Variants in UST observed in about 807,000 individuals in gnomAD.
The protein encoded by UST is chondroitin sulfate 2-O-sulfotransferase.
UST carries 21 observed loss-of-function variants against 45.6 expected under a neutral mutation model. That is an observed-to-expected ratio of 0.46 (90% CI 0.33 to 0.66). The LOEUF (loss-of-function observed/expected upper bound fraction) is 0.66. UST is among the 30% of genes least tolerant of loss of function. The probability of loss-of-function intolerance (pLI) is 0.02; values close to 1 mark genes in which losing one functional copy is unlikely to be tolerated. For synonymous variants in UST, 215 were observed against 200.6 expected, an observed-to-expected ratio of 1.07 and a Z score of -0.61; for missense variants, 463 against 512.4, an observed-to-expected ratio of 0.90 and a Z score of 0.93.
At chr6:149,068,882 T>C (rs1422077950) in intron 7 of UST, among the ~76,000 whole-genome samples, 1 of 152,206 alleles carries the variant, frequency 6.6e-6, no homozygotes, top group Non-Finnish European at 1.5e-5. Flanking sequence ...CCAACCTCTC[T>C]TCAGCCCGCT....
Position 149,074,150 on chromosome 6 carries a change from T to C in UST, c.*34T>C. On this transcript the variant is annotated 3_prime_UTR_variant, in exon 8 of 8. Coordinates refer to ENST00000367463, the MANE Select transcript of UST (RefSeq NM_005715.3). ...TGTTGCCTCTATGGCTTTATCTCCC[T>C]TTTCCAGAAAGTTCTTTGTTTGGGG... 1.9e-6 allele frequency: 3 copies of C among 1,595,510 alleles called. No individual in the cohort carries two copies. Among genetic ancestry groups the C allele is most frequent in the Non-Finnish European group, 2.6e-6 (3 of 1,168,232 alleles).
At chr6:148,772,526 G>A (rs984314556) in intron 1 of UST, among the ~76,000 whole-genome samples, 2 of 151,794 alleles carry the variant, frequency 1.3e-5, no homozygotes, top group Non-Finnish European at 2.9e-5. Context: ...GGGTTCAAGC[G>A]ATTCTCATGC....
At chr6:148,839,131 T>G (rs776614053) in intron 1 of UST, among the ~76,000 whole-genome samples, 1 of 151,632 alleles carries the variant, frequency 6.6e-6, no homozygotes, top group Non-Finnish European at 1.5e-5. Flanking sequence ...TGGGAGGCCA[T>G]TGTTTTGGAT....
At chr6:148,911,939 G>A (rs1235835154) in intron 2 of UST, among the ~76,000 whole-genome samples, 1 of 152,228 alleles carries the variant, frequency 6.6e-6, no homozygotes, top group African/African-American at 2.4e-5. Flanking sequence ...GCTCACGCCT[G>A]TAATCCCAGC....
chr6:148,860,062 T>A (rs931383411), intron 1 of UST, among the ~76,000 whole-genome samples: 2 of 152,246 alleles, frequency 1.3e-5, no homozygotes, highest in African/African-American at 4.8e-5. Flanking sequence ...GGGGATGGCA[T>A]TGAATCTACA....
chr6:148,840,948 A>G (rs954616105), intron 1 of UST, among the ~76,000 whole-genome samples: 1 of 151,766 alleles, frequency 6.6e-6, no homozygotes, highest in East Asian at 1.9e-4. Flanking sequence ...TGTCCTTACC[A>G]TGCTGTAGCC....
chr6:149,061,825 T>C (rs1776659284), intron 7 of UST, among the ~76,000 whole-genome samples: 1 of 152,230 alleles, frequency 6.6e-6, no homozygotes. Flanking sequence ...AGCAAAGTCC[T>C]TGGCACATAG....
At chr6:148,818,519 G>C (rs1209869061) in intron 1 of UST, among the ~76,000 whole-genome samples, 1 of 152,154 alleles carries the variant, frequency 6.6e-6, no homozygotes, top group Non-Finnish European at 1.5e-5. Flanking sequence ...AGCAAATTTG[G>C]TTCCAACATT....
At chr6:148,832,205 G>T (rs2114760240) in intron 1 of UST, among the ~76,000 whole-genome samples, 1 of 152,248 alleles carries the variant, frequency 6.6e-6, no homozygotes, top group East Asian at 1.9e-4. Context: ...TGGCCAGGCT[G>T]GTCTTGAATT....
chr6:149,052,357 G>A (rs1776499717), intron 7 of UST, among the ~76,000 whole-genome samples: 1 of 152,186 alleles, frequency 6.6e-6, no homozygotes, highest in Non-Finnish European at 1.5e-5. Context: ...GGAGCTTCTT[G>A]TGTCTCAGGA....
rs1447821817 is a variant in UST, at chr6:148,874,138, C to T, written c.248-12848C>T. The stretch of plus-strand genomic sequence containing the variant: ...TACTTCAAATGGAATGAAACAGAAG[C>T]CTTAAGTGATTCCATCTCTCTTTGA... On this transcript the variant is annotated intron_variant, in intron 1 of 7. Coordinates refer to ENST00000367463, the MANE Select transcript of UST (RefSeq NM_005715.3). 3.3e-5 allele frequency among the ~76,000 whole-genome samples: 5 copies of T among 152,198 alleles called. No homozygotes were observed. In the East Asian group the frequency reaches 9.6e-4, roughly 29 times the overall value.
At chr6:148,871,139 T>TCTCTCTCTCTCTCTCC (rs1304234198) in intron 1 of UST, among the ~76,000 whole-genome samples, 23 of 149,560 alleles carry the variant, frequency 1.5e-4, no homozygotes, top group Admixed American at 8.0e-4. Flanking sequence ...TCTCTCTCTC[T>TCTCTCTCTCTCTCTCC]CTCTCTCCCT....
Position 148,883,030 on chromosome 6 carries a change from C to T in UST, c.248-3956C>T, listed in dbSNP as rs942632389. Among the ~76,000 whole-genome samples the T allele has an allele frequency of 2.0e-5, 3 of 152,330 alleles. No individual in the cohort carries two copies. In the East Asian group the frequency reaches 5.8e-4, roughly 29 times the overall value. On this transcript the variant is annotated intron_variant, in intron 1 of 7. Coordinates refer to ENST00000367463, the MANE Select transcript of UST (RefSeq NM_005715.3). Reference sequence around the variant, plus strand: ...ACCATGCTGAGGAACTTTTGTCATGCGTATCCGCGCATCTCAATTTTGAGG... The same window carrying T: ...ACCATGCTGAGGAACTTTTGTCATGTGTATCCGCGCATCTCAATTTTGAGG...
At chr6:149,058,145 G>C (rs1249857995) in intron 7 of UST, among the ~76,000 whole-genome samples, 1 of 151,592 alleles carries the variant, frequency 6.6e-6, no homozygotes, top group Non-Finnish European at 1.5e-5. Context: ...ATAGTAGCTT[G>C]ATCTGTACGA....
intron 3 of UST, among the ~76,000 whole-genome samples, chr6:148,946,795 C>T (rs1780247640): frequency 9.4e-6 from 1 of 106,756 alleles, no homozygotes; most frequent in African/African-American, 4.0e-5. Context: ...GCCTGGGCGA[C>T]AGAGCGAGAC....
intron 2 of UST, among the ~76,000 whole-genome samples, chr6:148,902,918 A>G (rs1779287562): frequency 6.6e-6 from 1 of 152,002 alleles, no homozygotes; most frequent in African/African-American, 2.4e-5. Flanking sequence ...TGTTCTCTGA[A>G]TGTTCCTTAT....
At chr6:148,978,281 A>G (rs1483622714) in intron 5 of UST, among the ~76,000 whole-genome samples, 2 of 152,126 alleles carry the variant, frequency 1.3e-5, no homozygotes, top group African/African-American at 2.4e-5. Flanking sequence ...TGACCCAGCA[A>G]TCCCATTACT....
intron 1 of UST, among the ~76,000 whole-genome samples, chr6:148,802,751 T>C (rs1777076654): frequency 6.6e-6 from 1 of 152,188 alleles, no homozygotes. Flanking sequence ...ACCAAGGTGT[T>C]CTCAGGAGTA....
At chr6:148,794,770 G>A (rs9498158) in intron 1 of UST, among the ~76,000 whole-genome samples, 1 of 152,184 alleles carries the variant, frequency 6.6e-6, no homozygotes, top group Non-Finnish European at 1.5e-5. Flanking sequence ...TTGTGTGGAA[G>A]GTCTTTCATT....
Sources: gnomAD v4.1 joint callset for allele counts (sites outside exome capture counted in the v4.1 genomes callset) on GRCh38, gnomAD v4.1.1 for gene constraint, MANE v1.5 for transcripts, NCBI Gene and HGNC (gene_info 2026-07-23, HGNC 2026-07-21) for gene names.